SLC10A7: variants seen among roughly 807,000 people sequenced by gnomAD.
The protein encoded by SLC10A7 is sodium/bile acid cotransporter 7.
In SLC10A7, 29 loss-of-function variants were observed where a neutral mutation model predicts 43.2. The ratio of observed to expected loss-of-function variants is 0.67; its 90% CI spans 0.50 to 0.92. SLC10A7 has a LOEUF of 0.92. Among genes scored for constraint, SLC10A7 ranks in the 40% least tolerant of loss-of-function variants. The pLI is 0.00. For synonymous variants in SLC10A7, 152 were observed against 144.8 expected, an observed-to-expected ratio of 1.05 and a Z score of -0.35; for missense variants, 295 against 403.2, an observed-to-expected ratio of 0.73 and a Z score of 2.30.
chr4:146,496,240 C>T (rs935264830), intron 4 of SLC10A7, among the ~76,000 whole-genome samples: 3 of 152,100 alleles, frequency 2.0e-5, no homozygotes, highest in African/African-American at 7.2e-5. Context: ...ACTGTAATAT[C>T]ACATTAAATG....
intron 5 of SLC10A7, among the ~76,000 whole-genome samples, chr4:146,382,766 T>A (rs1342651065): frequency 6.6e-6 from 1 of 152,186 alleles, no homozygotes; most frequent in Non-Finnish European, 1.5e-5. Flanking sequence ...CACACCATTT[T>A]AAATTTCTTA....
chr4:146,449,682 C>T, intron 4 of SLC10A7, among the ~76,000 whole-genome samples: 1 of 152,176 alleles, frequency 6.6e-6, no homozygotes, highest in African/African-American at 2.4e-5. Flanking sequence ...ACCACCACCA[C>T]CACCACAACA....
chr4:146,270,254 A>T (rs186654390), intron 10 of SLC10A7, among the ~76,000 whole-genome samples: 160 of 152,308 alleles, frequency 1.1e-3, no homozygotes, highest in African/African-American at 3.6e-3. Flanking sequence ...GAAGAAATTT[A>T]AAAAACCCTG....
intron 5 of SLC10A7, among the ~76,000 whole-genome samples, chr4:146,360,381 C>T (rs1361261366): frequency 1.3e-5 from 2 of 152,104 alleles, no homozygotes; most frequent in Non-Finnish European, 2.9e-5. Context: ...AGCTTGATCA[C>T]ATTTAATATT....
At chr4:146,297,959 C>T (rs1233045754) in intron 7 of SLC10A7, among the ~76,000 whole-genome samples, 1 of 152,146 alleles carries the variant, frequency 6.6e-6, no homozygotes, top group Non-Finnish European at 1.5e-5. Flanking sequence ...AACAGAGGCA[C>T]AGAGAGTCAA....
chr4:146,400,268 A>G (rs570587792), intron 5 of SLC10A7, among the ~76,000 whole-genome samples: 30 of 152,328 alleles, frequency 2.0e-4, no homozygotes, highest in African/African-American at 7.0e-4. Context: ...TGACAAGGGT[A>G]GAGCCTAAAG....
chr4:146,465,413 C>T (rs944459430), intron 4 of SLC10A7, among the ~76,000 whole-genome samples: 1 of 152,026 alleles, frequency 6.6e-6, no homozygotes, highest in African/African-American at 2.4e-5. Flanking sequence ...ATTCTGGCAG[C>T]CTTTTGAAAA....
intron 5 of SLC10A7, among the ~76,000 whole-genome samples, chr4:146,404,959 G>A (rs1473948240): frequency 3.9e-5 from 6 of 152,106 alleles, no homozygotes; most frequent in South Asian, 2.1e-4. Flanking sequence ...GTCCCATCTC[G>A]CCTAACCAGT....
intron 5 of SLC10A7, among the ~76,000 whole-genome samples, chr4:146,326,724 G>GT (rs1299286584): frequency 6.6e-6 from 1 of 152,194 alleles, no homozygotes; most frequent in Non-Finnish European, 1.5e-5. Context: ...GTTGGGAGTT[G>GT]TAATGACAGG....
chr4:146,412,063 C>T (rs77349769), intron 5 of SLC10A7, among the ~76,000 whole-genome samples: 197 of 152,232 alleles, frequency 1.3e-3, no homozygotes, highest in Non-Finnish European at 1.8e-3. Flanking sequence ...AGTCAATACA[C>T]TTCATCTGCA....
At chr4:146,414,514 AG>A (rs1485174999) in intron 5 of SLC10A7, among the ~76,000 whole-genome samples, 2 of 152,218 alleles carry the variant, frequency 1.3e-5, no homozygotes, top group East Asian at 3.9e-4. Flanking sequence ...ACCTGAGGTC[AG>A]GAGTTCGAGA....
intron 10 of SLC10A7, among the ~76,000 whole-genome samples, chr4:146,268,033 G>A (rs772808985): frequency 1.1e-4 from 17 of 152,206 alleles, no homozygotes; most frequent in Non-Finnish European, 2.4e-4. Context: ...ATGAGGGAAA[G>A]GAACATGTTG....
chr4:146,484,124 G>A (rs1734723450), intron 4 of SLC10A7, among the ~76,000 whole-genome samples: 1 of 152,188 alleles, frequency 6.6e-6, no homozygotes, highest in Non-Finnish European at 1.5e-5. Context: ...GGCCAAGGCA[G>A]GAGGATTGCT....
chr4:146,386,277 A>C (rs1219023696), intron 5 of SLC10A7, among the ~76,000 whole-genome samples: 1 of 152,130 alleles, frequency 6.6e-6, no homozygotes, highest in African/African-American at 2.4e-5. Context: ...AGCCATTTCA[A>C]CTGGTGTGAG....
intron 6 of SLC10A7, among the ~76,000 whole-genome samples, chr4:146,319,877 T>G (rs1256311426): frequency 1.3e-5 from 2 of 151,886 alleles, no homozygotes; most frequent in Admixed American, 1.3e-4. Context: ...ACATAATAAA[T>G]GACATAACTC....
chr4:146,446,443 G>C (rs868490285), intron 4 of SLC10A7, among the ~76,000 whole-genome samples: 2 of 152,076 alleles, frequency 1.3e-5, no homozygotes, highest in South Asian at 2.1e-4. Context: ...AGGCATGGTG[G>C]CAGATGCCTG....
At chr4:146,406,711 A>G (rs1019560896) in intron 5 of SLC10A7, among the ~76,000 whole-genome samples, 8 of 152,160 alleles carry the variant, frequency 5.3e-5, no homozygotes, top group Admixed American at 4.6e-4. Context: ...GGCCAGGCGC[A>G]GTGGCTCACT....
intron 11 of SLC10A7, 125 bp from the exon 12 acceptor site, chr4:146,256,645 A>G: frequency 8.8e-7 from 1 of 1,131,808 alleles, no homozygotes; most frequent in Non-Finnish European, 1.3e-6. Context: ...GCATCATATA[A>G]CCAATAATCC....
intron 9 of SLC10A7, 80 bp from the exon 10 acceptor site, chr4:146,283,345 C>A: frequency 3.8e-6 from 4 of 1,047,324 alleles, no homozygotes; most frequent in Non-Finnish European, 5.9e-6. Flanking sequence ...TAGTACCTAC[C>A]TTTATGTTAA....
Sources: allele counts gnomAD v4.1 joint callset (sites outside exome capture counted in the v4.1 genomes callset), GRCh38; gene constraint gnomAD v4.1.1; transcripts MANE v1.5; gene names NCBI Gene and HGNC (gene_info 2026-07-23, HGNC 2026-07-21).